MYOF: variants seen among roughly 807,000 people sequenced by gnomAD.
MYOF encodes fer-1-like 3, myoferlin.
In MYOF, 244 loss-of-function variants were observed where a neutral mutation model predicts 284.2. The observed-to-expected ratio is 0.86, with a 90% CI of 0.77 to 0.95. MYOF has a LOEUF of 0.95. Among genes scored for constraint, MYOF ranks in the 40% least tolerant of loss-of-function variants. The pLI, the probability that MYOF is intolerant of heterozygous loss-of-function variation, is 0.00. For synonymous variants in MYOF, 904 were observed against 919.7 expected (o/e 0.98, Z 0.31); for missense variants, 2,496 against 2,560.6 (o/e 0.97, Z 0.54).
In MYOF at chr10:93,316,778, T is replaced by C. The variant is rs1221974833; in HGVS notation, c.5634A>G (p.Arg1878=). Residue 1878 remains arginine (R), a synonymous_variant, in exon 50 of 54, where the codon CGA becomes CGG. Transcript: ENST00000359263. ...HFWSIDQTEF[R]IPPRLIIQIW... ...TCTGAATGATCAGCCTGGGTGGGAT[T>C]CGAAATTCCGTTTGGTCAATACTCC... The C allele has an allele frequency of 6.2e-7, 1 of 1,613,920 alleles. No individual in the cohort carries two copies. The highest frequency in any genetic ancestry group is 1.1e-5 in the South Asian group (1 of 91,056).
At chr10:93,426,347 G>T (rs1027746720) in intron 4 of MYOF, among the ~76,000 whole-genome samples, 189 bp from the exon 5 acceptor site, 3 of 152,104 alleles carry the variant, frequency 2.0e-5, no homozygotes, top group Admixed American at 2.0e-4. Flanking sequence ...GACAGCCAAG[G>T]CAGGGTGGGG....
chr10:93,358,630 C>A (rs373016505), intron 29 of MYOF, among the ~76,000 whole-genome samples: 4 of 152,036 alleles, frequency 2.6e-5, no homozygotes, highest in African/African-American at 7.2e-5. Context: ...TAAAAAGGAA[C>A]GAGATCATGT....
Position 93,351,398 on chromosome 10 carries a change from A to G in MYOF, c.3822+15T>C. 1 of 1,613,346 alleles carries G rather than the reference A, an allele frequency of 6.2e-7. No individual in the cohort carries two copies. The highest frequency in any genetic ancestry group is 8.5e-7 in the Non-Finnish European group (1 of 1,179,716). Reference sequence around the variant, plus strand: ...GCAGCTGACAGAATACATGAGGAAGAACACAGCAATGTACCTTGCCCCTCA... The same window carrying G: ...GCAGCTGACAGAATACATGAGGAAGGACACAGCAATGTACCTTGCCCCTCA... On this transcript the variant is annotated intron_variant, in intron 34 of 53. Transcript: ENST00000359263.
At chr10:93,331,252 T>C (rs1843284463) in intron 43 of MYOF, among the ~76,000 whole-genome samples, 1 of 152,100 alleles carries the variant, frequency 6.6e-6, no homozygotes, top group Non-Finnish European at 1.5e-5. Context: ...CCCAAGAGTC[T>C]CTGCGGAGAA....
intron 1 of MYOF, 149 bp from the exon 2 acceptor site, chr10:93,457,086 A>G (rs1037328265): frequency 1.7e-6 from 1 of 594,868 alleles, no homozygotes; most frequent in African/African-American, 1.9e-5. Flanking sequence ...TACCTGAATC[A>G]CAGTTTTCCA....
chr10:93,402,983 T>C, intron 9 of MYOF, 93 bp from the exon 10 acceptor site: 1 of 1,079,778 alleles, frequency 9.3e-7, no homozygotes, highest in Admixed American at 1.9e-5. Context: ...ATATCATGTC[T>C]TGATTACACT....
chr10:93,339,294 A>G (rs1843766248), intron 39 of MYOF, among the ~76,000 whole-genome samples: 1 of 151,910 alleles, frequency 6.6e-6, no homozygotes, highest in Non-Finnish European at 1.5e-5. Context: ...TACAGGCGTG[A>G]GCCACCACTC....
intron 1 of MYOF, among the ~76,000 whole-genome samples, chr10:93,476,387 G>T (rs771814556): frequency 4.6e-5 from 7 of 151,220 alleles, no homozygotes; most frequent in Non-Finnish European, 7.4e-5. Flanking sequence ...AAGTAGCTGG[G>T]ATTACAGGGG....
At chr10:93,398,093 C>G (rs1352823209) in intron 13 of MYOF, among the ~76,000 whole-genome samples, 1 of 152,170 alleles carries the variant, frequency 6.6e-6, no homozygotes, top group Non-Finnish European at 1.5e-5. Flanking sequence ...AAGCCCCAAT[C>G]CTTCCCTGGG....
chr10:93,342,045 C>T (rs1843944792), intron 38 of MYOF: 2 of 1,018,938 alleles, frequency 2.0e-6, no homozygotes, highest in Non-Finnish European at 1.3e-6. Context: ...GACCAATTTT[C>T]CCCGAAGACT....
chr10:93,332,383 T>A (rs1843353738), intron 43 of MYOF, among the ~76,000 whole-genome samples: 1 of 151,840 alleles, frequency 6.6e-6, no homozygotes, highest in Admixed American at 6.6e-5. Flanking sequence ...CCACCATGCC[T>A]AGCTAATTTT....
At chr10:93,436,999 C>T (rs1042556027) in intron 3 of MYOF, among the ~76,000 whole-genome samples, 3 of 152,200 alleles carry the variant, frequency 2.0e-5, no homozygotes, top group Non-Finnish European at 2.9e-5. Context: ...AGAATCTCGA[C>T]GTCCTCTGGC....
intron 7 of MYOF, among the ~76,000 whole-genome samples, chr10:93,407,490 G>A (rs1847659731): frequency 6.7e-6 from 1 of 148,618 alleles, no homozygotes; most frequent in African/African-American, 2.5e-5. Context: ...CAGCACTATG[G>A]GAGGCCGAGG....
At chr10:93,393,972 C>T (rs1274334703) in intron 16 of MYOF, among the ~76,000 whole-genome samples, 2 of 152,236 alleles carry the variant, frequency 1.3e-5, no homozygotes, top group Non-Finnish European at 2.9e-5. Flanking sequence ...TCTGTGATTA[C>T]ATTTCCTTCC....
rs780001539 is a variant in MYOF at position 93,369,753 on chromosome 10, C to T, written c.2481G>A (p.Gly827=). The part of the protein sequence containing the change: ...FLKYPQEKNN[G]PKVPVELRVN... ...CTCGCAACTCCACAGGCACCTTTGG[C>T]CCGTTGTTTTTCTCCTGTGGATACT... The change falls in exon 25 of 54, where the codon GGG becomes GGA. Residue 827 remains glycine (G), a synonymous_variant. Transcript: ENST00000359263. 2.0e-5 allele frequency: 32 copies of T among 1,613,992 alleles called. No homozygotes were observed. In the East Asian group the frequency reaches 2.4e-4, roughly 12 times the overall value.
intron 12 of MYOF, 53 bp downstream of exon 12, chr10:93,401,365 T>C (rs992024176): frequency 4.4e-6 from 7 of 1,599,478 alleles, no homozygotes; most frequent in Non-Finnish European, 6.0e-6. Flanking sequence ...TTTTAACACA[T>C]TTCATCACAC....
At chr10:93,401,794 T>A (rs1847306606) in intron 11 of MYOF, among the ~76,000 whole-genome samples, 1 of 9,456 alleles carries the variant, frequency 1.1e-4, no homozygotes, top group South Asian at 0.011. Context: ...AGCCTGTGCG[T>A]GTGTGTGTGT....
At chr10:93,313,310 G>T in intron 50 of MYOF, 100 bp from the exon 51 acceptor site, 1 of 1,130,516 alleles carries the variant, frequency 8.8e-7, no homozygotes, top group Non-Finnish European at 1.3e-6. Context: ...GGCACACAGT[G>T]ATTTTGAACA....
At chr10:93,314,720 T>C (rs1326777428) in intron 50 of MYOF, among the ~76,000 whole-genome samples, 1 of 152,190 alleles carries the variant, frequency 6.6e-6, no homozygotes, top group Non-Finnish European at 1.5e-5. Context: ...GACACAGTCA[T>C]TCTCTTTATT....
Sources: allele counts gnomAD v4.1 joint callset (sites outside exome capture counted in the v4.1 genomes callset), GRCh38; gene constraint gnomAD v4.1.1; transcripts MANE v1.5; gene names NCBI Gene and HGNC (gene_info 2026-07-23, HGNC 2026-07-21).